DENND1A: variants seen among roughly 807,000 people sequenced by gnomAD.
DENND1A encodes the protein DENN domain-containing protein 1A.
DENND1A carries 51 observed loss-of-function variants against 113.7 expected under a neutral mutation model. That is an observed-to-expected ratio of 0.45 (90% CI 0.36 to 0.57). The LOEUF (loss-of-function observed/expected upper bound fraction) is 0.57, where lower values mean the gene tolerates loss of function less well. Ranked by LOEUF, DENND1A falls within the 20% of genes least tolerant of loss-of-function variation. The pLI is 0.00. For synonymous variants in DENND1A, 565 were observed against 570.8 expected, an observed-to-expected ratio of 0.99 and a Z score of 0.14; for missense variants, 1,258 against 1,395.9, an observed-to-expected ratio of 0.90 and a Z score of 1.57.
At chr9:123,773,616 C>T (rs1830044477) in intron 3 of DENND1A, among the ~76,000 whole-genome samples, 1 of 152,114 alleles carries the variant, frequency 6.6e-6, no homozygotes, top group Non-Finnish European at 1.5e-5. Flanking sequence ...AGGTAGGGGG[C>T]TATAGGAAAT....
chr9:123,620,213 CAAAAAAA>C (rs34196587), intron 10 of DENND1A, among the ~76,000 whole-genome samples: 4,106 of 58,720 alleles, frequency 0.07, 48 homozygotes, highest in Non-Finnish European at 0.086. Flanking sequence ...GACTCCATCT[CAAAAAAA>C]AAAAAAAAAA....
At chr9:123,790,387 G>GAA (rs35840055) in intron 3 of DENND1A, among the ~76,000 whole-genome samples, 2 of 145,438 alleles carry the variant, frequency 1.4e-5, no homozygotes, top group Non-Finnish European at 3.0e-5. Context: ...TATAGGAGGC[G>GAA]AAAAAAAAAA....
chr9:123,425,432 C>T lies in DENND1A; in HGVS notation c.1489-13603G>A, dbSNP rs565359381. Among the ~76,000 whole-genome samples the T allele has an allele frequency of 3.9e-5, 6 of 152,376 alleles. No individual in the cohort carries two copies. In the South Asian group the frequency reaches 1.0e-3, roughly 26 times the overall value. On this transcript the variant is annotated intron_variant, in intron 19 of 23. Coordinates refer to ENST00000394215, the MANE Select transcript of DENND1A (RefSeq NM_001352964.2). ...CAGGATCCTGTCTCTCACAACCTGG[C>T]GCCGCGTGCGGGGATTCTAAAGCGC...
chr9:123,470,144 T>C lies in DENND1A; in HGVS notation c.994-12247A>G, dbSNP rs149271028. On this transcript the variant is annotated intron_variant, in intron 13 of 23. Coordinates refer to ENST00000394215, the MANE Select transcript of DENND1A (RefSeq NM_001352964.2). ...TCTTGGAGCCTCTGTTTCTTACAGATACAATAGAGGTAATAGCTATGTCAT... is the reference window on the plus strand; with the variant it reads ...TCTTGGAGCCTCTGTTTCTTACAGACACAATAGAGGTAATAGCTATGTCAT... 1.9e-3 allele frequency among the ~76,000 whole-genome samples: 287 copies of C among 152,264 alleles called. 2 individuals carry two copies. The highest frequency in any genetic ancestry group is 5.9e-3 in the African/African-American group (243 of 41,526).
chr9:123,775,580 C>A (rs1375064673), intron 3 of DENND1A, among the ~76,000 whole-genome samples: 1 of 152,122 alleles, frequency 6.6e-6, no homozygotes, highest in East Asian at 1.9e-4. Context: ...ATATTAAAAG[C>A]TGTCAGCTTT....
At position 123,381,736 on chromosome 9, in the gene DENND1A, T is replaced by C; in HGVS notation, c.2909A>G (p.Gln970Arg). 6.6e-7 allele frequency: 1 copy of C among 1,520,556 alleles called. No individual in the cohort carries two copies. The highest frequency in any genetic ancestry group is 8.8e-7 in the Non-Finnish European group (1 of 1,133,932). The allele number at this position is 1,520,556 out of a possible 1,614,324, so 94.2% of individuals were successfully genotyped here. Residue 970 changes from glutamine to arginine, a missense_variant, in exon 24 of 24, where the codon CAG becomes CGG. Physicochemically the swap from Gln to Arg is conservative, Grantham distance 43 (BLOSUM62 1). This residue lies in a region of DENND1A where 1,159 missense variants were observed against 1,231.7 expected (regional missense o/e 0.94). Transcript: ENST00000394215. This position sits in a 1 kb window ranked among gnomAD's most constrained non-coding sequence, Gnocchi z 4.7. ...MPMGTHTSPL[Q>R]PLGPPAVAPS... ...GGCAACTGCTGGGGGACCCAGCGGC[T>C]GTAGGGGGCTCGTGTGGGTGCCCAT...
chr9:123,827,628 T>C (rs992927749), intron 2 of DENND1A, among the ~76,000 whole-genome samples: 13 of 151,988 alleles, frequency 8.6e-5, no homozygotes, highest in Admixed American at 3.9e-4. Flanking sequence ...GGCTCAAAGG[T>C]GATCAGAGGT....
At chr9:123,674,682 T>A in intron 6 of DENND1A, among the ~76,000 whole-genome samples, 1 of 152,046 alleles carries the variant, frequency 6.6e-6, no homozygotes, top group East Asian at 1.9e-4. Context: ...AGAGGCAGAG[T>A]CCTGCTGAAG....
At chr9:123,618,628 T>G (rs2060779404) in intron 10 of DENND1A, among the ~76,000 whole-genome samples, 1 of 152,148 alleles carries the variant, frequency 6.6e-6, no homozygotes, top group Non-Finnish European at 1.5e-5. Flanking sequence ...AGGAGGTGGT[T>G]AGGCTGTGGT....
chr9:123,607,230 G>A (rs977900595), intron 11 of DENND1A, among the ~76,000 whole-genome samples: 1 of 151,928 alleles, frequency 6.6e-6, no homozygotes, highest in African/African-American at 2.4e-5. Flanking sequence ...AGACCCTCAT[G>A]TTGTTTATCA....
intron 6 of DENND1A, among the ~76,000 whole-genome samples, chr9:123,674,025 G>A (rs1425541612): frequency 6.6e-6 from 1 of 151,856 alleles, no homozygotes; most frequent in Non-Finnish European, 1.5e-5. Context: ...CCAGCACTGG[G>A]CCACAGCTGC....
At chr9:123,546,105 G>C (rs1302227665) in intron 13 of DENND1A, among the ~76,000 whole-genome samples, 1 of 152,118 alleles carries the variant, frequency 6.6e-6, no homozygotes, top group Non-Finnish European at 1.5e-5. Flanking sequence ...TTCTGCAGGA[G>C]ATGATCCTCC....
chr9:123,567,069 C>T (rs186189009), intron 12 of DENND1A, among the ~76,000 whole-genome samples: 2 of 152,230 alleles, frequency 1.3e-5, no homozygotes, highest in Admixed American at 6.5e-5. Context: ...TTGCTTCTAA[C>T]CAAATATGTG....
At chr9:123,900,950 C>T (rs1170715293) in intron 1 of DENND1A, among the ~76,000 whole-genome samples, 3 of 152,014 alleles carry the variant, frequency 2.0e-5, no homozygotes, top group Non-Finnish European at 4.4e-5. Context: ...AACAAGACAA[C>T]AAATATAAAC....
At chr9:123,841,739 G>A (rs78062878) in intron 2 of DENND1A, among the ~76,000 whole-genome samples, 4 of 152,224 alleles carry the variant, frequency 2.6e-5, no homozygotes, top group Non-Finnish European at 5.9e-5. Context: ...AAGAGGTTTA[G>A]GACAATGATA....
chr9:123,383,860 G>A lies in DENND1A; in HGVS notation c.1814C>T (p.Ala605Val). Residue 605 changes from alanine (A) to valine (V), a missense_variant, in exon 23 of 24, where the codon GCA (alanine) becomes GTA (valine). By Grantham distance (64) the Ala-to-Val change is moderately conservative (BLOSUM62 0). Around this residue, in one of 2 missense-constraint regions of DENND1A, gnomAD observed 1,159 missense variants for 1,231.7 expected, o/e 0.94. Coordinates refer to ENST00000394215, the MANE Select transcript of DENND1A (RefSeq NM_001352964.2). ...RESDSAEGDE[A>V]ESPEQQVRKS... ...CCGCACTTGCTGCTCTGGACTCTCTGCCTCGTCGCCTTCCGCGCTGTCTGA... is the reference window on the plus strand; with the variant it reads ...CCGCACTTGCTGCTCTGGACTCTCTACCTCGTCGCCTTCCGCGCTGTCTGA... 2 of 1,613,424 alleles carry A rather than the reference G, an allele frequency of 1.2e-6. No homozygotes were observed. Among genetic ancestry groups the A allele is most frequent in the Non-Finnish European group, 1.7e-6 (2 of 1,180,020 alleles).
chr9:123,673,057 G>A (rs541901687), intron 6 of DENND1A, among the ~76,000 whole-genome samples: 14 of 152,312 alleles, frequency 9.2e-5, no homozygotes, highest in Non-Finnish European at 1.3e-4. Flanking sequence ...TGGCCTTGAC[G>A]ATGAGACCAC....
chr9:123,615,582 A>G (rs536018309), intron 10 of DENND1A, among the ~76,000 whole-genome samples: 2 of 152,304 alleles, frequency 1.3e-5, no homozygotes, highest in African/African-American at 2.4e-5. Context: ...TCTCAGTCAC[A>G]TGGTGGCCCC....
intron 1 of DENND1A, among the ~76,000 whole-genome samples, chr9:123,929,378 C>G (rs1361279293): frequency 6.6e-6 from 1 of 152,176 alleles, no homozygotes; most frequent in African/African-American, 2.4e-5. Flanking sequence ...GAGAGACAGG[C>G]CTTCCTCCCC....
Sources: gnomAD v4.1 joint callset for allele counts (sites outside exome capture counted in the v4.1 genomes callset) on GRCh38, gnomAD v4.1.1 for gene constraint, gnomAD v4.1.1 regional missense constraint, Gnocchi (gnomAD v3.1) non-coding constraint, MANE v1.5 for transcripts, NCBI Gene and HGNC (gene_info 2026-07-23, HGNC 2026-07-21) for gene names.